The following NCEH1 variants were observed in gnomAD, a reference collection of about 807,000 sequenced individuals.
NCEH1 encodes 2-acetyl MAGE hydrolase.
NCEH1 carries 9 observed loss-of-function variants against 25.4 expected under a neutral mutation model. The observed-to-expected ratio is 0.35, with a 90% CI of 0.21 to 0.62. The LOEUF is 0.62. Among genes scored for constraint, NCEH1 ranks in the 20% least tolerant of loss-of-function variants. NCEH1 has a pLI of 0.72. For missense variants in NCEH1, 412 were observed against 501.1 expected (o/e 0.82, Z 1.70); for synonymous variants, 200 against 199.8 (o/e 1.00, Z -0.01).
intron 3 of NCEH1, among the ~76,000 whole-genome samples, chr3:172,644,641 A>G (rs1031179588): frequency 6.6e-6 from 1 of 152,212 alleles, no homozygotes; most frequent in Non-Finnish European, 1.5e-5. Flanking sequence ...TTCCTCACTT[A>G]TGAAAAAGAT....
intron 1 of NCEH1, among the ~76,000 whole-genome samples, chr3:172,697,724 T>G (rs1246655452): frequency 2.6e-5 from 4 of 152,136 alleles, no homozygotes; most frequent in Admixed American, 2.6e-4. Flanking sequence ...AGGAGACTGT[T>G]GAATGTAGTT....
rs1317088890 is a variant in NCEH1 at position 172,683,328 on chromosome 3, G to A, written c.138+27519C>T. Among the ~76,000 whole-genome samples, 100 of 78,288 alleles carry A rather than the reference G, an allele frequency of 1.3e-3. 27 individuals carry two copies. Among genetic ancestry groups the A allele is most frequent in the African/African-American group, 5.6e-3 (99 of 17,532 alleles). 51.4% of individuals were successfully genotyped at this position (78,288 alleles called of 152,430 possible). On this transcript the variant is annotated intron_variant, in intron 1 of 4. Transcript: ENST00000475381. The stretch of plus-strand genomic sequence containing the variant: ...TGAGGCAGGAGAATGGCGTGAACCC[G>A]GGAGGCGGAGCTTGCAGTGAGCCGA...
intron 1 of NCEH1, among the ~76,000 whole-genome samples, chr3:172,675,444 A>C (rs541066898): frequency 1.3e-5 from 1 of 74,100 alleles, no homozygotes. Flanking sequence ...AAAATTTTAC[A>C]AAAAAAAAAA....
intron 1 of NCEH1, among the ~76,000 whole-genome samples, chr3:172,690,426 T>C (rs1470790305): frequency 6.6e-6 from 1 of 152,198 alleles, no homozygotes; most frequent in Non-Finnish European, 1.5e-5. Context: ...AAAAAATCGA[T>C]TACAATTGTT....
chr3:172,652,981 A>G (rs1052732542), intron 1 of NCEH1, among the ~76,000 whole-genome samples: 7 of 152,106 alleles, frequency 4.6e-5, no homozygotes, highest in African/African-American at 1.7e-4. Flanking sequence ...TTGGGATTAC[A>G]GATGTTAGCT....
intron 1 of NCEH1, among the ~76,000 whole-genome samples, chr3:172,652,876 T>C (rs904099402): frequency 1.6e-4 from 24 of 151,896 alleles, no homozygotes; most frequent in Non-Finnish European, 3.1e-4. Flanking sequence ...TTGTATTTTT[T>C]TTTTTTTTAG....
intron 1 of NCEH1, among the ~76,000 whole-genome samples, chr3:172,675,136 C>CAAA: frequency 6.6e-6 from 1 of 151,992 alleles, no homozygotes; most frequent in South Asian, 2.1e-4. Flanking sequence ...ATGGTGAAAC[C>CAAA]CCAGCTCTAC....
intron 1 of NCEH1, among the ~76,000 whole-genome samples, chr3:172,655,361 A>C (rs1287905162): frequency 1.3e-5 from 2 of 152,214 alleles, no homozygotes; most frequent in Non-Finnish European, 2.9e-5. Flanking sequence ...GGACAGTAAA[A>C]TCTGGTGGCG....
chr3:172,690,833 T>TTGTGTTAAGG (rs1172232058), intron 1 of NCEH1, among the ~76,000 whole-genome samples: 2 of 152,118 alleles, frequency 1.3e-5, no homozygotes, highest in Non-Finnish European at 2.9e-5. Flanking sequence ...GAAACAGTGG[T>TTGTGTTAAGG]TGTGTTAAGG....
chr3:172,658,752 GT>G (rs892710879), intron 1 of NCEH1, among the ~76,000 whole-genome samples: 1 of 148,134 alleles, frequency 6.8e-6, no homozygotes, highest in Non-Finnish European at 1.5e-5. Flanking sequence ...AAAACATTTG[GT>G]TTTTTTCCTC....
intron 1 of NCEH1, among the ~76,000 whole-genome samples, chr3:172,671,654 C>T (rs13323730): frequency 1.8e-5 from 2 of 112,652 alleles, no homozygotes; most frequent in Non-Finnish European, 1.9e-5. Flanking sequence ...TATACATACA[C>T]ACATGCACAC....
chr3:172,650,705 A>T (rs185123371), intron 1 of NCEH1, among the ~76,000 whole-genome samples: 1 of 148,542 alleles, frequency 6.7e-6, no homozygotes, highest in African/African-American at 2.5e-5. Context: ...CCAGCTACTC[A>T]GGAGGCTGAG....
At chr3:172,651,532 G>A (rs1408939590) in intron 1 of NCEH1, among the ~76,000 whole-genome samples, 2 of 151,678 alleles carry the variant, frequency 1.3e-5, no homozygotes, top group Non-Finnish European at 2.9e-5. Flanking sequence ...CCTTCCTTTG[G>A]ATTTTTAAAA....
intron 1 of NCEH1, among the ~76,000 whole-genome samples, chr3:172,657,495 G>A (rs1314583733): frequency 2.0e-5 from 3 of 152,062 alleles, no homozygotes; most frequent in Admixed American, 6.6e-5. Flanking sequence ...ACCTGCCAAC[G>A]TTTTCTGACC....
At chr3:172,645,260 G>A (rs1317732047) in intron 3 of NCEH1, among the ~76,000 whole-genome samples, 1 of 152,068 alleles carries the variant, frequency 6.6e-6, no homozygotes, top group Non-Finnish European at 1.5e-5. Flanking sequence ...CTCTAAGAGA[G>A]CAACTTTTTC....
intron 1 of NCEH1, among the ~76,000 whole-genome samples, chr3:172,689,215 ATATTCACATG>A (rs1260180845): frequency 6.8e-6 from 1 of 146,864 alleles, no homozygotes; most frequent in Admixed American, 6.7e-5. Flanking sequence ...AATAAGACCG[ATATTCACATG>A]TACCTCATGA....
At chr3:172,702,740 T>A in intron 1 of NCEH1, among the ~76,000 whole-genome samples, 1 of 152,200 alleles carries the variant, frequency 6.6e-6, no homozygotes. Flanking sequence ...TCCCAGCACT[T>A]TGGGAAGCCA....
chr3:172,701,307 A>T (rs1429594238), intron 1 of NCEH1, among the ~76,000 whole-genome samples: 1 of 152,068 alleles, frequency 6.6e-6, no homozygotes, highest in African/African-American at 2.4e-5. Flanking sequence ...AATCTGTCCC[A>T]GGAGTCATCT....
chr3:172,669,058 A>G lies in NCEH1; in HGVS notation c.139-20944T>C, dbSNP rs185290089. The stretch of plus-strand genomic sequence containing the variant: ...TTCTTCTCTCTCCAACTGGAATATT[A>G]CCATTATGGCTATAGCTTCGGCCTT... On this transcript the variant is annotated intron_variant, in intron 1 of 4. Coordinates refer to ENST00000475381, the MANE Select transcript of NCEH1 (RefSeq NM_020792.6). 2.0e-3 allele frequency among the ~76,000 whole-genome samples: 304 copies of G among 152,106 alleles called. 2 individuals are homozygous for G. The highest frequency in any genetic ancestry group is 6.8e-3 in the African/African-American group (282 of 41,496).
Sources: allele counts gnomAD v4.1 joint callset (sites outside exome capture counted in the v4.1 genomes callset), GRCh38; gene constraint gnomAD v4.1.1; transcripts MANE v1.5; gene names NCBI Gene and HGNC (gene_info 2026-07-23, HGNC 2026-07-21).